The following ABCA13 variants were observed in gnomAD, a reference collection of about 807,000 sequenced individuals.
ABCA13 encodes the protein ATP binding cassette subfamily A member 13, also known as ATP-binding cassette sub-family A member 13.
ABCA13 carries 476 observed loss-of-function variants against 478.7 expected under a neutral mutation model. The observed-to-expected ratio is 0.99, with a 90% CI of 0.92 to 1.07. The LOEUF is 1.07. Among genes scored for constraint, ABCA13 ranks in the 50% least tolerant of loss-of-function variants. The probability of loss-of-function intolerance (pLI) is 0.00; values close to 1 mark genes in which losing one functional copy is unlikely to be tolerated. For synonymous variants in ABCA13, 2,252 were observed against 2,158.9 expected (o/e 1.04, Z -1.20); for missense variants, 6,060 against 5,910.6 (o/e 1.03, Z -0.83).
chr7:48,529,567 A>G (rs781064389), intron 55 of ABCA13, among the ~76,000 whole-genome samples: 15 of 152,158 alleles, frequency 9.9e-5, no homozygotes, highest in Admixed American at 1.3e-4. Flanking sequence ...AGAGATATTT[A>G]TTTTTAAGAG....
chr7:48,234,610 C>T (rs1165975387), intron 8 of ABCA13, among the ~76,000 whole-genome samples: 3 of 152,182 alleles, frequency 2.0e-5, no homozygotes, highest in South Asian at 4.1e-4. Context: ...CAAAGTTGAG[C>T]CTCTTCCCTA....
Position 48,372,167 on chromosome 7 carries a change from G to A in ABCA13, c.10804-1G>A, listed in dbSNP as rs528092955. The A allele has an allele frequency of 3.7e-6, 6 of 1,609,646 alleles. No homozygotes were observed. The East Asian group carries it at 1.3e-4, about 36-fold the overall frequency. On this transcript the variant is annotated splice_acceptor_variant, in intron 32 of 61. Transcript: ENST00000435803. LOFTEE classifies it high-confidence loss of function. Reference sequence around the variant, plus strand: ...CCTTGGGTTTTTTCTCTTTTTGGTAGTATATGCGGATGATGGGAGTGCATC... The same window carrying A: ...CCTTGGGTTTTTTCTCTTTTTGGTAATATATGCGGATGATGGGAGTGCATC...
chr7:48,530,315 T>C (rs992761857), intron 55 of ABCA13, among the ~76,000 whole-genome samples: 6 of 151,872 alleles, frequency 4.0e-5, no homozygotes, highest in Admixed American at 6.6e-5. Flanking sequence ...TGTATATATA[T>C]GTATATATAT....
intron 36 of ABCA13, 101 bp from the exon 37 acceptor site, chr7:48,388,939 C>A: frequency 1.5e-6 from 2 of 1,358,822 alleles, no homozygotes; most frequent in Non-Finnish European, 2.0e-6. Flanking sequence ...CTTCACAGAG[C>A]TGGAATTCAA....
At chr7:48,227,113 C>T in intron 5 of ABCA13, 149 bp from the exon 6 acceptor site, 1 of 723,690 alleles carries the variant, frequency 1.4e-6, no homozygotes, top group Non-Finnish European at 2.3e-6. Flanking sequence ...AGCAGATTGG[C>T]AAATCTGTTC....
In ABCA13 at chr7:48,338,150, A is replaced by G. The variant is rs185354449; in HGVS notation, c.10114-215A>G. On this transcript the variant is annotated intron_variant, in intron 28 of 61. Coordinates refer to ENST00000435803, the MANE Select transcript of ABCA13 (RefSeq NM_152701.5). ...ATTAACACATAATTACAACTACAACATAAATTTTCATAATTGTTGATTTTG... is the reference window on the plus strand; with the variant it reads ...ATTAACACATAATTACAACTACAACGTAAATTTTCATAATTGTTGATTTTG... Among the ~76,000 whole-genome samples, 25 of 152,356 alleles carry G rather than the reference A, an allele frequency of 1.6e-4. No homozygotes were observed. In the East Asian group the frequency reaches 4.0e-3, roughly 25 times the overall value.
intron 58 of ABCA13, among the ~76,000 whole-genome samples, chr7:48,601,147 A>C (rs1396740286): frequency 1.3e-5 from 2 of 150,202 alleles, no homozygotes; most frequent in Non-Finnish European, 2.9e-5. Context: ...TCTTTAACTG[A>C]TTTATTTTTT....
intron 46 of ABCA13, among the ~76,000 whole-genome samples, chr7:48,482,444 C>A (rs558105689): frequency 1.8e-4 from 27 of 151,870 alleles, no homozygotes; most frequent in Non-Finnish European, 3.5e-4. Flanking sequence ...TGCAGTGGCA[C>A]GATGTCCACT....
intron 15 of ABCA13, among the ~76,000 whole-genome samples, chr7:48,253,485 T>G (rs910939624): frequency 2.0e-5 from 3 of 152,228 alleles, no homozygotes; most frequent in Non-Finnish European, 4.4e-5. Context: ...TGTGACATTT[T>G]CTTGCATTAT....
chr7:48,486,711 G>A (rs1483679746), intron 47 of ABCA13, among the ~76,000 whole-genome samples: 1 of 152,128 alleles, frequency 6.6e-6, no homozygotes, highest in Non-Finnish European at 1.5e-5. Context: ...TTTAGCTCAC[G>A]GGTCTGTGAG....
intron 32 of ABCA13, among the ~76,000 whole-genome samples, chr7:48,369,932 A>G (rs759149065): frequency 2.8e-4 from 43 of 151,870 alleles, no homozygotes; most frequent in African/African-American, 8.7e-4. Context: ...GTGAAGAGTA[A>G]TGGTGGTGTT....
chr7:48,384,727 C>G (rs1419600347), intron 35 of ABCA13, among the ~76,000 whole-genome samples: 3 of 152,174 alleles, frequency 2.0e-5, no homozygotes, highest in Non-Finnish European at 4.4e-5. Flanking sequence ...AACAAAGTAC[C>G]ACAAACTGGG....
intron 55 of ABCA13, among the ~76,000 whole-genome samples, chr7:48,541,340 C>G (rs1047446336): frequency 2.0e-5 from 3 of 152,088 alleles, no homozygotes; most frequent in Non-Finnish European, 4.4e-5. Flanking sequence ...CAAACATTTA[C>G]TTGGACTATT....
At chr7:48,638,742 TCTC>T (rs1368895392) in intron 59 of ABCA13, among the ~76,000 whole-genome samples, 6 of 152,144 alleles carry the variant, frequency 3.9e-5, no homozygotes, top group African/African-American at 1.4e-4. Context: ...AAAGAAAAAA[TCTC>T]CTGATCTCTT....
chr7:48,315,197 G>T (rs933408133), intron 26 of ABCA13, among the ~76,000 whole-genome samples: 4 of 152,156 alleles, frequency 2.6e-5, no homozygotes, highest in Admixed American at 2.0e-4. Flanking sequence ...CTTAGCATAA[G>T]GGTATAAATG....
At chr7:48,182,482 G>T (rs1393891499) in intron 1 of ABCA13, among the ~76,000 whole-genome samples, 1 of 152,080 alleles carries the variant, frequency 6.6e-6, no homozygotes, top group African/African-American at 2.4e-5. Flanking sequence ...ACTTAATTTT[G>T]ATTATTTGTG....
chr7:48,507,524 T>C (rs535663099), intron 49 of ABCA13, among the ~76,000 whole-genome samples: 1 of 152,292 alleles, frequency 6.6e-6, no homozygotes, highest in South Asian at 2.1e-4. Flanking sequence ...GCAGTCCCTG[T>C]GTGGGCAAAG....
intron 56 of ABCA13, among the ~76,000 whole-genome samples, chr7:48,582,147 T>A (rs1431037954): frequency 6.6e-6 from 1 of 152,160 alleles, no homozygotes; most frequent in Non-Finnish European, 1.5e-5. Context: ...CCAGAGAAAT[T>A]AGGCCACTTG....
chr7:48,527,499 G>C (rs1253820169), intron 54 of ABCA13, among the ~76,000 whole-genome samples: 1 of 152,146 alleles, frequency 6.6e-6, no homozygotes, highest in African/African-American at 2.4e-5. Flanking sequence ...CTGTCACCAA[G>C]GTGGACTCTC....
Sources: allele counts gnomAD v4.1 joint callset (sites outside exome capture counted in the v4.1 genomes callset), GRCh38; gene constraint gnomAD v4.1.1; transcripts MANE v1.5; gene names NCBI Gene and HGNC (gene_info 2026-07-23, HGNC 2026-07-21).